The following TRAPPC9 variants were observed in gnomAD, a reference collection of about 807,000 sequenced individuals.
TRAPPC9 encodes the protein IKK2 binding protein.
Under a neutral mutation model 124.0 loss-of-function variants are expected in TRAPPC9, and 83 were observed. The observed-to-expected ratio is 0.67, with a 90% CI of 0.56 to 0.80. TRAPPC9 has a LOEUF of 0.80. Ranked by LOEUF, TRAPPC9 falls within the 30% of genes least tolerant of loss-of-function variation. TRAPPC9 has a pLI of 0.00. For missense variants in TRAPPC9, 1,302 were observed against 1,508.3 expected, an observed-to-expected ratio of 0.86 and a Z score of 2.27; for synonymous variants, 638 against 617.5, an observed-to-expected ratio of 1.03 and a Z score of -0.49.
At chr8:139,890,931 GA>G (rs11337284) in intron 20 of TRAPPC9, among the ~76,000 whole-genome samples, 19,044 of 152,002 alleles carry the variant, frequency 0.13, 1,142 homozygotes, top group East Asian at 0.2. Context: ...CTCAAGAAGG[GA>G]CCGCTGTTCA....
At chr8:139,853,485 T>C (rs948353209) in intron 21 of TRAPPC9, among the ~76,000 whole-genome samples, 2 of 152,236 alleles carry the variant, frequency 1.3e-5, no homozygotes, top group East Asian at 3.8e-4. Context: ...CTGTTCATCC[T>C]GAATCACCTG....
intron 21 of TRAPPC9, among the ~76,000 whole-genome samples, chr8:139,779,682 C>T (rs983956554): frequency 6.6e-6 from 1 of 151,958 alleles, no homozygotes; most frequent in African/African-American, 2.4e-5. Flanking sequence ...AATGCAACCA[C>T]TAAGATAATA....
At chr8:139,798,383 C>T (rs1293994745) in intron 21 of TRAPPC9, among the ~76,000 whole-genome samples, 1 of 152,176 alleles carries the variant, frequency 6.6e-6, no homozygotes, top group Non-Finnish European at 1.5e-5. Context: ...TTAAACAGAG[C>T]TGTGATTTAG....
At chr8:139,760,625 T>TC (rs1820156018) in intron 21 of TRAPPC9, among the ~76,000 whole-genome samples, 1 of 152,236 alleles carries the variant, frequency 6.6e-6, no homozygotes, top group South Asian at 2.1e-4. Flanking sequence ...TCACCCTCCG[T>TC]ATCTGACAGG....
intron 18 of TRAPPC9, among the ~76,000 whole-genome samples, chr8:140,003,740 G>C (rs1838564005): frequency 6.6e-6 from 1 of 152,146 alleles, no homozygotes; most frequent in East Asian, 1.9e-4. Context: ...TCCACTGCTA[G>C]TAGAGATGGA....
intron 16 of TRAPPC9, among the ~76,000 whole-genome samples, chr8:140,223,354 G>A (rs2063380213): frequency 6.6e-6 from 1 of 152,140 alleles, no homozygotes; most frequent in Non-Finnish European, 1.5e-5. Flanking sequence ...CAACCTGCTC[G>A]CAGTCATACT....
intron 21 of TRAPPC9, among the ~76,000 whole-genome samples, chr8:139,803,890 C>T (rs972243428): frequency 2.0e-5 from 3 of 152,070 alleles, no homozygotes; most frequent in Admixed American, 6.5e-5. Flanking sequence ...AAATAAATGA[C>T]GTCTAAATGT....
intron 9 of TRAPPC9, among the ~76,000 whole-genome samples, chr8:140,335,490 G>C (rs143799130): frequency 6.6e-6 from 1 of 152,012 alleles, no homozygotes; most frequent in African/African-American, 2.4e-5. Flanking sequence ...TAACTCAAAC[G>C]GGAAACATAG....
At chr8:139,918,657 C>T (rs1378340592) in intron 19 of TRAPPC9, among the ~76,000 whole-genome samples, 3 of 152,272 alleles carry the variant, frequency 2.0e-5, no homozygotes, top group Non-Finnish European at 4.4e-5. Flanking sequence ...GCTTCTCCCT[C>T]CATCCCAGCC....
chr8:139,810,529 CCT>C (rs777673033), intron 21 of TRAPPC9, among the ~76,000 whole-genome samples: 17 of 152,284 alleles, frequency 1.1e-4, no homozygotes, highest in Non-Finnish European at 2.2e-4. Flanking sequence ...TCCCCCATCC[CCT>C]GAGAGCTGGC....
intron 3 of TRAPPC9, among the ~76,000 whole-genome samples, chr8:140,437,095 C>A (rs2070839961): frequency 6.6e-6 from 1 of 152,132 alleles, no homozygotes; most frequent in African/African-American, 2.4e-5. Flanking sequence ...TCACAAGTAG[C>A]TGGGACTACA....
At chr8:140,419,428 C>CAAAAAAAAAAAAAAAAAAAA (rs61155157) in intron 5 of TRAPPC9, among the ~76,000 whole-genome samples, 3 of 79,586 alleles carry the variant, frequency 3.8e-5, no homozygotes, top group Non-Finnish European at 4.9e-5. Flanking sequence ...GACTCCGTCT[C>CAAAAAAAAAAAAAAAAAAAA]AAAAAAAAAA....
At chr8:140,222,613 G>C (rs1196752422) in intron 16 of TRAPPC9, among the ~76,000 whole-genome samples, 2 of 152,200 alleles carry the variant, frequency 1.3e-5, no homozygotes, top group Non-Finnish European at 2.9e-5. Flanking sequence ...GTCTGCACTG[G>C]TCTCCAAGGC....
intron 19 of TRAPPC9, among the ~76,000 whole-genome samples, chr8:139,941,714 G>A (rs1833933285): frequency 6.6e-6 from 1 of 152,198 alleles, no homozygotes; most frequent in Non-Finnish European, 1.5e-5. Context: ...TCCCAAACAC[G>A]ACAAATGCAA....
intron 2 of TRAPPC9, among the ~76,000 whole-genome samples, chr8:140,448,194 A>C (rs1481216961): frequency 1.3e-5 from 2 of 152,012 alleles, no homozygotes; most frequent in African/African-American, 4.8e-5. Flanking sequence ...AAACAAAAGC[A>C]ACAACAGGTT....
chr8:139,999,852 A>G lies in TRAPPC9; in HGVS notation c.2700-11016T>C, dbSNP rs142495124. 6.5e-4 allele frequency among the ~76,000 whole-genome samples: 99 copies of G among 152,370 alleles called. 1 individual carries two copies. Among genetic ancestry groups the G allele is most frequent in the Middle Eastern group, 6.8e-3 (2 of 294 alleles). ...AAGAGGAAGCCCCAAGAGAAATAAA[A>G]TATTTTGGAGTGAACAAAAATAAAA... On this transcript the variant is annotated intron_variant, in intron 18 of 22. Coordinates refer to ENST00000438773, the MANE Select transcript of TRAPPC9 (RefSeq NM_001160372.4).
At chr8:140,072,089 G>A (rs560873251) in intron 17 of TRAPPC9, among the ~76,000 whole-genome samples, 1 of 152,278 alleles carries the variant, frequency 6.6e-6, no homozygotes, top group South Asian at 2.1e-4. Flanking sequence ...CAGTATGAGG[G>A]GACATTTTTT....
intron 19 of TRAPPC9, among the ~76,000 whole-genome samples, chr8:139,917,188 T>TTTTTTTTTTTTTTTTTTTTC (rs1832204128): frequency 6.8e-6 from 1 of 146,898 alleles, no homozygotes; most frequent in African/African-American, 2.5e-5. Context: ...TTTTTTTTTT[T>TTTTTTTTTTTTTTTTTTTTC]GTTGAGACGG....
At chr8:139,953,530 T>A (rs1013446918) in intron 19 of TRAPPC9, among the ~76,000 whole-genome samples, 2 of 152,054 alleles carry the variant, frequency 1.3e-5, no homozygotes, top group South Asian at 4.1e-4. Flanking sequence ...AGGAAAAAAT[T>A]TCCTAGAAAA....
Sources: allele counts gnomAD v4.1 joint callset (sites outside exome capture counted in the v4.1 genomes callset), GRCh38; gene constraint gnomAD v4.1.1; transcripts MANE v1.5; gene names NCBI Gene and HGNC (gene_info 2026-07-23, HGNC 2026-07-21).